The following SEC24B variants were observed in gnomAD, a reference collection of about 807,000 sequenced individuals.
The protein encoded by SEC24B is SEC24 homolog B, COPII component.
SEC24B carries 45 observed loss-of-function variants against 142.8 expected under a neutral mutation model. That is an observed-to-expected ratio of 0.32 (90% CI 0.25 to 0.40). The LOEUF (loss-of-function observed/expected upper bound fraction) is 0.40, where lower values mean the gene tolerates loss of function less well. SEC24B is among the 10% of genes least tolerant of loss of function. The pLI is 1.00. For synonymous variants in SEC24B, 574 were observed against 568.2 expected, an observed-to-expected ratio of 1.01 and a Z score of -0.15; for missense variants, 1,409 against 1,526.8, an observed-to-expected ratio of 0.92 and a Z score of 1.29.
chr4:109,525,631 T>G (rs1724142205), intron 16 of SEC24B, 127 bp downstream of exon 16: 1 of 539,858 alleles, frequency 1.9e-6, no homozygotes, highest in African/African-American at 2.0e-5. Flanking sequence ...TATACCATGT[T>G]TTAAATAGAT....
chr4:109,444,361 T>C (rs770281174), intron 1 of SEC24B, among the ~76,000 whole-genome samples: 11 of 152,032 alleles, frequency 7.2e-5, no homozygotes, highest in Non-Finnish European at 1.5e-4. Flanking sequence ...TAAAAAGTAC[T>C]CTGGTGGTGT....
chr4:109,453,744 G>T (rs1177150647), intron 1 of SEC24B, among the ~76,000 whole-genome samples: 1 of 152,172 alleles, frequency 6.6e-6, no homozygotes, highest in African/African-American at 2.4e-5. Context: ...AAGATGAAAG[G>T]ATTAAGAGGG....
intron 1 of SEC24B, chr4:109,451,172 A>G (rs572131023): frequency 1.3e-5 from 2 of 152,216 alleles, no homozygotes; most frequent in Admixed American, 6.5e-5. Flanking sequence ...TGTGTATGTT[A>G]TTATAAACTC....
intron 2 of SEC24B, among the ~76,000 whole-genome samples, chr4:109,472,200 G>A (rs1297305533): frequency 1.3e-5 from 2 of 152,134 alleles, no homozygotes; most frequent in East Asian, 3.8e-4. Flanking sequence ...ATACATACAT[G>A]TGCAGGTATA....
intron 2 of SEC24B, among the ~76,000 whole-genome samples, chr4:109,465,288 T>G (rs1433712824): frequency 1.3e-5 from 2 of 152,208 alleles, no homozygotes; most frequent in African/African-American, 2.4e-5. Context: ...TGGCACAGAT[T>G]GTGATATTCA....
intron 3 of SEC24B, among the ~76,000 whole-genome samples, chr4:109,478,744 A>G (rs531357848): frequency 6.6e-6 from 1 of 152,248 alleles, no homozygotes; most frequent in Non-Finnish European, 1.5e-5. Context: ...CATAGTAAAA[A>G]TTAGGATAAA....
At chr4:109,454,344 G>C (rs1295337070) in intron 1 of SEC24B, among the ~76,000 whole-genome samples, 11 of 151,866 alleles carry the variant, frequency 7.2e-5, no homozygotes, top group Admixed American at 6.6e-4. Flanking sequence ...TTCAAGACCA[G>C]CCTGGCCAAC....
intron 6 of SEC24B, among the ~76,000 whole-genome samples, chr4:109,504,961 A>G (rs1736529471): frequency 6.6e-6 from 1 of 152,118 alleles, no homozygotes; most frequent in Admixed American, 6.5e-5. Context: ...TTGCCAGGAC[A>G]TTTTTTTAGT....
At chr4:109,495,829 C>T (rs1735484234) in intron 6 of SEC24B, among the ~76,000 whole-genome samples, 2 of 152,096 alleles carry the variant, frequency 1.3e-5, no homozygotes, top group South Asian at 4.2e-4. Flanking sequence ...GTGTCTGCAG[C>T]GCGACTTTAC....
chr4:109,497,060 C>T (rs913441708), intron 6 of SEC24B, among the ~76,000 whole-genome samples: 9 of 152,222 alleles, frequency 5.9e-5, no homozygotes, highest in Admixed American at 4.6e-4. Context: ...CAAATCGGGC[C>T]CACTGCCTGT....
chr4:109,444,419 T>C (rs1289895460), intron 1 of SEC24B, among the ~76,000 whole-genome samples: 2 of 150,648 alleles, frequency 1.3e-5, no homozygotes, highest in Non-Finnish European at 3.0e-5. Flanking sequence ...GGAAGTCAGG[T>C]AGAGAATTTT....
intron 5 of SEC24B, among the ~76,000 whole-genome samples, chr4:109,493,136 G>A (rs1386366751): frequency 5.3e-5 from 8 of 152,106 alleles, no homozygotes; most frequent in African/African-American, 1.9e-4. Context: ...ATGACAGCAT[G>A]TTGAAGGTCT....
intron 1 of SEC24B, among the ~76,000 whole-genome samples, chr4:109,439,599 T>C (rs1728747428): frequency 7.0e-6 from 1 of 141,984 alleles, no homozygotes; most frequent in Admixed American, 7.5e-5. Context: ...GCCTCCCGGG[T>C]TCAAGCGATT....
chr4:109,520,117 T>G (rs986898044), intron 11 of SEC24B, among the ~76,000 whole-genome samples: 1 of 152,220 alleles, frequency 6.6e-6, no homozygotes, highest in East Asian at 1.9e-4. Flanking sequence ...TGGAAAGTAC[T>G]TATTTGTCAT....
intron 9 of SEC24B, among the ~76,000 whole-genome samples, chr4:109,512,971 C>CTT (rs60804973): frequency 2.5e-4 from 26 of 103,604 alleles, no homozygotes; most frequent in Non-Finnish European, 3.9e-4. Flanking sequence ...TAAGCCTGAT[C>CTT]TTTTTTTTTT....
At chr4:109,508,990 T>C (rs148427473) in intron 7 of SEC24B, among the ~76,000 whole-genome samples, 45 of 152,292 alleles carry the variant, frequency 3.0e-4, no homozygotes, top group African/African-American at 1.0e-3. Flanking sequence ...AGTAAATATA[T>C]AATGTAATGT....
chr4:109,457,198 C>T (rs1311944354), intron 1 of SEC24B, among the ~76,000 whole-genome samples: 2 of 152,114 alleles, frequency 1.3e-5, no homozygotes, highest in Admixed American at 1.3e-4. Context: ...TTATTAATGT[C>T]TTAGGACTGC....
chr4:109,461,114 G>A (rs532050449), intron 1 of SEC24B, among the ~76,000 whole-genome samples: 2 of 152,064 alleles, frequency 1.3e-5, no homozygotes, highest in Non-Finnish European at 2.9e-5. Context: ...TAAGGAAATC[G>A]CAATGCTACA....
chr4:109,500,260 C>T (rs1735977588), intron 6 of SEC24B, among the ~76,000 whole-genome samples: 1 of 152,078 alleles, frequency 6.6e-6, no homozygotes, highest in Non-Finnish European at 1.5e-5. Flanking sequence ...AAAGTAGTGA[C>T]AGGCCAGGCG....
Sources: allele counts gnomAD v4.1 joint callset (sites outside exome capture counted in the v4.1 genomes callset), GRCh38; gene constraint gnomAD v4.1.1; transcripts MANE v1.5; gene names NCBI Gene and HGNC (gene_info 2026-07-23, HGNC 2026-07-21).